Variants in FAM13C observed in about 807,000 individuals in gnomAD.
The protein encoded by FAM13C is protein FAM13C.
In FAM13C, 37 loss-of-function variants were observed where a neutral mutation model predicts 73.2. The ratio of observed to expected loss-of-function variants is 0.51; its 90% CI spans 0.39 to 0.67. FAM13C has a LOEUF of 0.67. FAM13C is among the 30% of genes least tolerant of loss of function. FAM13C has a pLI of 0.00. For synonymous variants in FAM13C, 246 were observed against 260.9 expected, an observed-to-expected ratio of 0.94 and a Z score of 0.55; for missense variants, 589 against 715.6, an observed-to-expected ratio of 0.82 and a Z score of 2.02.
chr10:59,352,600 G>T, intron 2 of FAM13C, 126 bp from the exon 3 acceptor site: 1 of 971,582 alleles, frequency 1.0e-6, no homozygotes, highest in Non-Finnish European at 1.5e-6. Flanking sequence ...AAAATTTTTA[G>T]CCTACACTTA....
rs371303760 is a variant in FAM13C, at chr10:59,279,752, T to C, written c.592+3611A>G. On this transcript the variant is annotated intron_variant, in intron 6 of 13. Transcript: ENST00000618804. ...AATATTTGCTTCAGCTGTAAGAAGA[T>C]ATTGATAGAGTTAGAGGTATTTTGA... Among the ~76,000 whole-genome samples the C allele has an allele frequency of 2.2e-4, 33 of 152,348 alleles. No individual in the cohort carries two copies. The East Asian group carries it at 6.4e-3, about 29-fold the overall frequency.
At chr10:59,341,293 T>C (rs1853473818) in intron 3 of FAM13C, among the ~76,000 whole-genome samples, 1 of 152,124 alleles carries the variant, frequency 6.6e-6, no homozygotes, top group Non-Finnish European at 1.5e-5. Context: ...CTATTAGAAA[T>C]TTCCCTGGCA....
intron 13 of FAM13C, among the ~76,000 whole-genome samples, chr10:59,250,575 C>CCA (rs1285629128): frequency 6.6e-6 from 1 of 152,140 alleles, no homozygotes; most frequent in Non-Finnish European, 1.5e-5. Flanking sequence ...GGTAAGTAGA[C>CCA]CACGCATGAG....
chr10:59,323,888 A>G (rs745741446), intron 4 of FAM13C, 100 bp downstream of exon 4: 47 of 1,039,566 alleles, frequency 4.5e-5, no homozygotes, highest in Non-Finnish European at 6.7e-5. Flanking sequence ...TGCCAGCAAA[A>G]GTCAGAAAGC....
intron 3 of FAM13C, among the ~76,000 whole-genome samples, chr10:59,343,444 T>C (rs1294352450): frequency 6.6e-6 from 1 of 152,236 alleles, no homozygotes; most frequent in African/African-American, 2.4e-5. Context: ...CTTTGGATTA[T>C]GTGCTACTTT....
chr10:59,297,268 A>T (rs1350678857), intron 5 of FAM13C: 1 of 152,218 alleles, frequency 6.6e-6, no homozygotes, highest in Non-Finnish European at 1.5e-5. Context: ...TTACCAGGTG[A>T]AATGGCTTAG....
chr10:59,315,154 A>C (rs1159642137), intron 4 of FAM13C, among the ~76,000 whole-genome samples: 1 of 152,232 alleles, frequency 6.6e-6, no homozygotes, highest in African/African-American at 2.4e-5. Context: ...CTTTCTGCCA[A>C]TTACAAGCTT....
chr10:59,278,506 C>A lies in FAM13C; in HGVS notation c.592+4857G>T, dbSNP rs1380552. Among the ~76,000 whole-genome samples, 474 of 152,206 alleles carry A rather than the reference C, an allele frequency of 3.1e-3. 5 individuals are homozygous for A. Among genetic ancestry groups the A allele is most frequent in the African/African-American group, 0.011 (447 of 41,532 alleles). On this transcript the variant is annotated intron_variant, in intron 6 of 13. Coordinates refer to ENST00000618804, the MANE Select transcript of FAM13C (RefSeq NM_198215.4). ...TATTGACCATTCAGCACTATTGAACCAGATAATTCTTTGATGAGGGAGAAG... is the reference window on the plus strand; with the variant it reads ...TATTGACCATTCAGCACTATTGAACAAGATAATTCTTTGATGAGGGAGAAG...
rs1427980928 is a variant in FAM13C at position 59,246,732 on chromosome 10, A to T, written c.*882T>A. 5.0e-6 allele frequency: 2 copies of T among 397,040 alleles called. No homozygotes were observed. The highest frequency in any genetic ancestry group is 4.1e-5 in the African/African-American group (2 of 48,598). The allele number at this position is 397,040 out of a possible 1,614,324, so 24.6% of individuals were successfully genotyped here. A position where few individuals can be genotyped will look rare whatever the true frequency, so the allele number is the denominator to read the frequency against. ...AGCTCATGGGAAATGTTTTGACTTT[A>T]CAAAGTATAGATGTTGGAACATTAA... is the stretch of plus-strand genomic sequence containing the variant. On this transcript the variant is annotated 3_prime_UTR_variant, in exon 14 of 14. Coordinates refer to ENST00000618804, the MANE Select transcript of FAM13C (RefSeq NM_198215.4).
At chr10:59,332,916 C>G (rs1007812403) in intron 3 of FAM13C, among the ~76,000 whole-genome samples, 4 of 152,132 alleles carry the variant, frequency 2.6e-5, no homozygotes, top group Non-Finnish European at 5.9e-5. Context: ...ATTTTGGCTT[C>G]AAAGGGTTAC....
At chr10:59,340,665 C>T (rs1308551487) in intron 3 of FAM13C, among the ~76,000 whole-genome samples, 1 of 151,890 alleles carries the variant, frequency 6.6e-6, no homozygotes, top group East Asian at 1.9e-4. Flanking sequence ...CATCTTGATG[C>T]TTCACATAAA....
intron 5 of FAM13C, among the ~76,000 whole-genome samples, chr10:59,294,369 G>C (rs1225032764): frequency 6.6e-6 from 1 of 152,176 alleles, no homozygotes; most frequent in Non-Finnish European, 1.5e-5. Context: ...AGAGGAGCTG[G>C]GGAGATGGGT....
In FAM13C at chr10:59,268,611, C is replaced by T. The variant is rs142854591; in HGVS notation, c.884G>A (p.Ser295Asn). ...TITQLTKHIQ[S>N]LKRKIRKFEE... The stretch of plus-strand genomic sequence containing the variant: ...AAATTTCCGAATTTTCCGCTTGAGG[C>T]TCTGGATGTGCTTGGTGAGCTGGGT... The change falls in exon 8 of 14, where the codon AGC becomes AAC. Residue 295 changes from serine (S) to asparagine (N), a missense_variant. Transcript: ENST00000618804. The T allele has an allele frequency of 4.7e-4, 756 of 1,613,746 alleles. 3 individuals carry two copies. In the African/African-American group the frequency reaches 6.8e-3, roughly 14 times the overall value.
chr10:59,327,534 G>A (rs2134064241), intron 3 of FAM13C: 1 of 151,500 alleles, frequency 6.6e-6, no homozygotes, highest in African/African-American at 2.4e-5. Context: ...TAACATATTT[G>A]TGAAAGATTG....
intron 8 of FAM13C, 96 bp downstream of exon 8, chr10:59,268,457 G>A: frequency 6.5e-7 from 1 of 1,528,492 alleles, no homozygotes; most frequent in South Asian, 1.3e-5. Flanking sequence ...GCTGTCCCCT[G>A]GCAAAGAAGG....
intron 10 of FAM13C, among the ~76,000 whole-genome samples, chr10:59,259,742 T>C (rs1052595689): frequency 2.0e-5 from 3 of 152,158 alleles, no homozygotes; most frequent in Non-Finnish European, 2.9e-5. Context: ...ATAGAAATGA[T>C]TGGCATTTAT....
intron 6 of FAM13C, chr10:59,270,450 A>T (rs947049774): frequency 2.1e-5 from 4 of 189,592 alleles, no homozygotes; most frequent in Non-Finnish European, 4.4e-5. Flanking sequence ...ATAAAAAGAA[A>T]ACAATAAAAT....
chr10:59,331,141 G>A (rs150179046), intron 3 of FAM13C, among the ~76,000 whole-genome samples: 1 of 152,316 alleles, frequency 6.6e-6, no homozygotes, highest in Non-Finnish European at 1.5e-5. Context: ...CAATGGTGGT[G>A]GGGGATGGAA....
chr10:59,278,392 G>A (rs886523422), intron 6 of FAM13C, among the ~76,000 whole-genome samples: 45 of 152,292 alleles, frequency 3.0e-4, no homozygotes, highest in African/African-American at 1.1e-3. Context: ...ATTCACTAAT[G>A]CCTGATGCAA....
Sources: allele counts gnomAD v4.1 joint callset (sites outside exome capture counted in the v4.1 genomes callset), GRCh38; gene constraint gnomAD v4.1.1; transcripts MANE v1.5; gene names NCBI Gene and HGNC (gene_info 2026-07-23, HGNC 2026-07-21).